GRAMD1C: variants seen among roughly 807,000 people sequenced by gnomAD.
GRAMD1C encodes the protein protein Aster-C.
Under a neutral mutation model 97.8 loss-of-function variants are expected in GRAMD1C, and 89 were observed. That is an observed-to-expected ratio of 0.91 (90% CI 0.77 to 1.09). The LOEUF is 1.09. Among genes scored for constraint, GRAMD1C ranks in the 50% least tolerant of loss-of-function variants. GRAMD1C has a pLI of 0.00. For missense variants in GRAMD1C, 740 were observed against 766.4 expected (o/e 0.97, Z 0.41); for synonymous variants, 256 against 267.0 (o/e 0.96, Z 0.40).
intron 2 of GRAMD1C, among the ~76,000 whole-genome samples, chr3:113,868,243 T>A (rs1020516055): frequency 1.3e-5 from 2 of 152,198 alleles, no homozygotes; most frequent in African/African-American, 2.4e-5. Flanking sequence ...TTATAATAAC[T>A]GATTTGATAT....
chr3:113,854,570 A>G (rs960578384), intron 2 of GRAMD1C, among the ~76,000 whole-genome samples: 1 of 152,202 alleles, frequency 6.6e-6, no homozygotes, highest in Non-Finnish European at 1.5e-5. Context: ...AAGGTCATTA[A>G]AAGTACAACT....
At chr3:113,909,155 G>A in intron 9 of GRAMD1C, 35 bp downstream of exon 9, 2 of 1,136,456 alleles carry the variant, frequency 1.8e-6, no homozygotes, top group Non-Finnish European at 2.5e-6. Flanking sequence ...TTAAATTTCA[G>A]TTATGTCTTT....
intron 6 of GRAMD1C, among the ~76,000 whole-genome samples, chr3:113,896,082 G>A (rs1935930833): frequency 1.3e-5 from 2 of 152,128 alleles, no homozygotes; most frequent in South Asian, 4.1e-4. Context: ...TGACCTGGCT[G>A]CTTCCTCCTT....
At chr3:113,839,799 T>C (rs1322476438) in intron 1 of GRAMD1C, among the ~76,000 whole-genome samples, 2 of 152,120 alleles carry the variant, frequency 1.3e-5, no homozygotes, top group South Asian at 4.1e-4. Context: ...AATTATTTCC[T>C]CTATTGTAGA....
intron 3 of GRAMD1C, among the ~76,000 whole-genome samples, chr3:113,870,362 AC>A (rs1364994176): frequency 4.1e-5 from 6 of 146,950 alleles, no homozygotes; most frequent in Non-Finnish European, 9.0e-5. Flanking sequence ...ACCCTGACCC[AC>A]CCCCAAACCC....
intron 2 of GRAMD1C, chr3:113,850,522 G>A (rs1216787585): frequency 6.3e-7 from 1 of 1,588,122 alleles, no homozygotes; most frequent in Admixed American, 1.7e-5. Context: ...TCATTGGTAA[G>A]GTACCAGTAG....
intron 6 of GRAMD1C, chr3:113,885,564 C>A: frequency 6.4e-7 from 1 of 1,568,042 alleles, no homozygotes; most frequent in African/African-American, 1.3e-5. Flanking sequence ...GCCTGTTAGG[C>A]CTCCTGACTT....
At chr3:113,895,213 A>G (rs550388555) in intron 6 of GRAMD1C, among the ~76,000 whole-genome samples, 2 of 152,266 alleles carry the variant, frequency 1.3e-5, no homozygotes, top group South Asian at 2.1e-4. Context: ...TTGTTGTGCC[A>G]CTTTCTGATT....
intron 6 of GRAMD1C, among the ~76,000 whole-genome samples, chr3:113,884,637 C>T (rs151274550): frequency 6.6e-6 from 1 of 152,062 alleles, no homozygotes; most frequent in Non-Finnish European, 1.5e-5. Context: ...TCGAGACCAT[C>T]CTGGCTAACA....
chr3:113,838,577 A>G (rs1709679794), upstream of GRAMD1C: 1 of 122,294 alleles, frequency 8.2e-6, no homozygotes, highest in Non-Finnish European at 1.7e-5. Flanking sequence ...CTCCGTCTCA[A>G]AAAAAAAAAA....
chr3:113,915,602 G>A, intron 9 of GRAMD1C, 99 bp from the exon 10 acceptor site: 1 of 855,814 alleles, frequency 1.2e-6, no homozygotes, highest in Non-Finnish European at 1.8e-6. Context: ...ACCATTTTAT[G>A]CCCAAAATAA....
chr3:113,938,005 C>CAAA lies in GRAMD1C; in HGVS notation c.1634-63_1634-61dup, dbSNP rs5851908. On this transcript the variant is annotated intron_variant, in intron 14 of 17. Transcript: ENST00000358160. ...GGGCAACAAGAGCGAAACTCCTTCT[C>CAAA]AAAAAAAAAAAAAAAAAAAATTTGG... 3,100 of 506,502 alleles carry CAAA rather than the reference C, an allele frequency of 6.1e-3. 7 individuals are homozygous for CAAA. The highest frequency in any genetic ancestry group is 0.023 in the African/African-American group (791 of 34,576). The allele number at this position is 506,502 out of a possible 1,614,324, so 31.4% of individuals were successfully genotyped here. A position where few individuals can be genotyped will look rare whatever the true frequency, so the allele number is the denominator to read the frequency against.
chr3:113,919,095 G>A (rs940515122), intron 10 of GRAMD1C: 3 of 166,748 alleles, frequency 1.8e-5, no homozygotes, highest in African/African-American at 7.2e-5. Flanking sequence ...TCTAATTCCA[G>A]CACTCAAATG....
chr3:113,834,980 G>T (rs1577108073), upstream of GRAMD1C, among the ~76,000 whole-genome samples: 1 of 148,974 alleles, frequency 6.7e-6, no homozygotes. Flanking sequence ...CCTTTTCCAT[G>T]AACTTTCTGA....
intron 15 of GRAMD1C, 123 bp downstream of exon 15, chr3:113,938,266 G>A (rs755458379): frequency 6.1e-5 from 28 of 455,522 alleles, no homozygotes; most frequent in African/African-American, 8.2e-5. Context: ...GACTATTGCC[G>A]GCCTACAAAA....
chr3:113,885,308 C>A, intron 6 of GRAMD1C: 1 of 1,563,104 alleles, frequency 6.4e-7, no homozygotes, highest in Non-Finnish European at 8.8e-7. Flanking sequence ...ATGGTGCGGA[C>A]GCAGTGTCTG....
chr3:113,916,416 CAATG>C (rs1936816300), intron 10 of GRAMD1C, among the ~76,000 whole-genome samples: 1 of 151,914 alleles, frequency 6.6e-6, no homozygotes, highest in African/African-American at 2.4e-5. Flanking sequence ...TCCTATATAA[CAATG>C]AAAAAAATAC....
rs1051616018 is a variant in GRAMD1C, at chr3:113,900,259, T to C, written c.541-772T>C. ...CTGCAATCCCAGCCACTCGGGAGGC[T>C]GAGGTAGGAGAATCGCTTGAACCTG... On this transcript the variant is annotated intron_variant, in intron 6 of 17. Transcript: ENST00000358160. 3.3e-5 allele frequency among the ~76,000 whole-genome samples: 5 copies of C among 151,168 alleles called. No individual in the cohort carries two copies. In the East Asian group the frequency reaches 9.9e-4, roughly 30 times the overall value.
upstream of GRAMD1C, among the ~76,000 whole-genome samples, chr3:113,835,643 T>C (rs773416613): frequency 2.0e-5 from 3 of 152,124 alleles, no homozygotes; most frequent in Non-Finnish European, 2.9e-5. Context: ...ATCTAGAAGG[T>C]AGGTGGAATA....
Sources: gnomAD v4.1 joint callset for allele counts (sites outside exome capture counted in the v4.1 genomes callset) on GRCh38, gnomAD v4.1.1 for gene constraint, MANE v1.5 for transcripts, NCBI Gene and HGNC (gene_info 2026-07-23, HGNC 2026-07-21) for gene names.